The following C1GALT1 variants were observed in gnomAD, a reference collection of about 807,000 sequenced individuals.
C1GALT1 encodes core 1 synthase, glycoprotein-N-acetylgalactosamine 3-beta-galactosyltransferase 1.
A neutral mutation model predicts 31.0 loss-of-function variants in C1GALT1; 11 were observed. The ratio of observed to expected loss-of-function variants is 0.36; its 90% confidence interval spans 0.22 to 0.59. The LOEUF (loss-of-function observed/expected upper bound fraction) is 0.59, where lower values mean the gene tolerates loss of function less well. Among genes scored for constraint, C1GALT1 ranks in the 20% least tolerant of loss-of-function variants. The probability of loss-of-function intolerance (pLI) is 0.79; values close to 1 mark genes in which losing one functional copy is unlikely to be tolerated. For synonymous variants in C1GALT1, 175 were observed against 143.6 expected (o/e 1.22, Z -1.56); for missense variants, 424 against 425.2 (o/e 1.00, Z 0.03).
At chr7:7,231,523 T>C (rs1783072131) in intron 1 of C1GALT1, among the ~76,000 whole-genome samples, 1 of 152,196 alleles carries the variant, frequency 6.6e-6, no homozygotes, top group African/African-American at 2.4e-5. Flanking sequence ...CCATACTTCA[T>C]TCTGCGTATT....
chr7:7,226,631 A>G (rs1782772160), intron 1 of C1GALT1, among the ~76,000 whole-genome samples: 1 of 152,208 alleles, frequency 6.6e-6, no homozygotes, highest in Admixed American at 6.5e-5. Flanking sequence ...AGTTTGTGCA[A>G]TAGCAGACAT....
intron 2 of C1GALT1, among the ~76,000 whole-genome samples, chr7:7,167,630 C>G (rs994656186): frequency 6.6e-6 from 1 of 151,378 alleles, no homozygotes. Flanking sequence ...AGGGTCTTTT[C>G]AAGCAGAATC....
At chr7:7,171,906 T>A (rs1375335272) in intron 2 of C1GALT1, among the ~76,000 whole-genome samples, 1 of 152,178 alleles carries the variant, frequency 6.6e-6, no homozygotes, top group East Asian at 1.9e-4. Flanking sequence ...TAATGTCTTT[T>A]TACATCTTTA....
intron 1 of C1GALT1, chr7:7,183,538 A>G (rs1638243846): frequency 2.0e-6 from 2 of 984,184 alleles, no homozygotes; most frequent in African/African-American, 1.7e-5. Flanking sequence ...TTTTTCCCCA[A>G]CAAATTGTGA....
chr7:7,161,161 A>G (rs1018698125), intron 2 of C1GALT1, among the ~76,000 whole-genome samples: 1 of 152,124 alleles, frequency 6.6e-6, no homozygotes, highest in Non-Finnish European at 1.5e-5. Context: ...TGTCAAGAGG[A>G]CTTGGAACCA....
intron 1 of C1GALT1, among the ~76,000 whole-genome samples, chr7:7,192,241 C>T (rs1781105851): frequency 6.6e-6 from 1 of 151,836 alleles, no homozygotes; most frequent in Non-Finnish European, 1.5e-5. Flanking sequence ...GTGCACCCCT[C>T]ACCCAAGCAG....
At chr7:7,230,007 G>A (rs567496990) in intron 1 of C1GALT1, among the ~76,000 whole-genome samples, 7 of 152,100 alleles carry the variant, frequency 4.6e-5, no homozygotes, top group Non-Finnish European at 7.4e-5. Context: ...TCAAGATACT[G>A]GGCAGCTTTG....
intron 1 of C1GALT1, among the ~76,000 whole-genome samples, chr7:7,233,967 C>G (rs979871337): frequency 1.1e-4 from 17 of 152,042 alleles, no homozygotes; most frequent in African/African-American, 3.4e-4. Context: ...AGTAGACTTC[C>G]GTACTCAGAG....
chr7:7,208,508 T>C (rs76668741), intron 1 of C1GALT1, among the ~76,000 whole-genome samples: 3,885 of 152,186 alleles, frequency 0.026, 145 homozygotes, highest in African/African-American at 0.088. Flanking sequence ...CAGTTTCTTT[T>C]GAATGCCTCA....
intron 1 of C1GALT1, among the ~76,000 whole-genome samples, chr7:7,188,567 T>A (rs1243358954): frequency 2.0e-5 from 3 of 150,438 alleles, no homozygotes; most frequent in Non-Finnish European, 4.4e-5. Context: ...CGATGCAAAA[T>A]TAAAACATCA....
At chr7:7,184,209 A>G (rs1398709190) in intron 1 of C1GALT1, among the ~76,000 whole-genome samples, 1 of 152,254 alleles carries the variant, frequency 6.6e-6, no homozygotes, top group African/African-American at 2.4e-5. Flanking sequence ...GTTAGCAAAC[A>G]GTTAACTCTT....
chr7:7,211,489 A>G (rs1349367418), intron 1 of C1GALT1, among the ~76,000 whole-genome samples: 1 of 152,226 alleles, frequency 6.6e-6, no homozygotes, highest in African/African-American at 2.4e-5. Context: ...TGCTCTAAGG[A>G]TAATAATTAA....
At chr7:7,204,176 A>G (rs1223121625) in intron 1 of C1GALT1, among the ~76,000 whole-genome samples, 1 of 139,340 alleles carries the variant, frequency 7.2e-6, no homozygotes, top group Non-Finnish European at 1.5e-5. Context: ...TCACATGTTG[A>G]GCAGAATTCA....
chr7:7,166,417 G>A (rs1459689692), intron 2 of C1GALT1, among the ~76,000 whole-genome samples: 1 of 152,120 alleles, frequency 6.6e-6, no homozygotes, highest in African/African-American at 2.4e-5. Context: ...AGCACATAAT[G>A]TATGATATCA....
At chr7:7,218,693 G>T (rs1782362515) in intron 1 of C1GALT1, among the ~76,000 whole-genome samples, 1 of 152,166 alleles carries the variant, frequency 6.6e-6, no homozygotes, top group African/African-American at 2.4e-5. Flanking sequence ...AACAGTAGAA[G>T]ATGTGCTAGT....
chr7:7,240,104 A>C (rs1783558010), intron 3 of C1GALT1, among the ~76,000 whole-genome samples: 1 of 152,198 alleles, frequency 6.6e-6, no homozygotes, highest in Admixed American at 6.5e-5. Flanking sequence ...ATGCTTTCAA[A>C]TCATCATCTG....
At chr7:7,177,998 C>T (rs935415035), upstream of C1GALT1, 1 of 220,980 alleles carries the variant, frequency 4.5e-6, no homozygotes, top group African/African-American at 2.3e-5. Flanking sequence ...AGATAAGTAC[C>T]TGGATTGGGC....
intron 1 of C1GALT1, among the ~76,000 whole-genome samples, chr7:7,192,812 A>T (rs543661216): frequency 1.3e-5 from 2 of 152,034 alleles, no homozygotes; most frequent in African/African-American, 4.8e-5. Context: ...TGATGCCAAC[A>T]TCTATTATTT....
chr7:7,185,186 A>G (rs1434260115), intron 1 of C1GALT1, among the ~76,000 whole-genome samples: 2 of 152,196 alleles, frequency 1.3e-5, no homozygotes, highest in Non-Finnish European at 2.9e-5. Flanking sequence ...TAAATTATCT[A>G]GCACCTGTAG....
Sources: allele counts gnomAD v4.1 joint callset (sites outside exome capture counted in the v4.1 genomes callset), GRCh38; gene constraint gnomAD v4.1.1; transcripts MANE v1.5; gene names NCBI Gene and HGNC (gene_info 2026-07-23, HGNC 2026-07-21).